NRCAM: variants seen among roughly 807,000 people sequenced by gnomAD.
NRCAM encodes neuronal cell adhesion molecule, also known as NgCAM-related cell adhesion molecule.
Under a neutral mutation model 156.5 loss-of-function variants are expected in NRCAM, and 83 were observed. The ratio of observed to expected loss-of-function variants is 0.53; its 90% CI spans 0.44 to 0.64. The LOEUF (loss-of-function observed/expected upper bound fraction) is 0.64. Among genes scored for constraint, NRCAM ranks in the 30% least tolerant of loss-of-function variants. NRCAM has a pLI of 0.00. For synonymous variants in NRCAM, 538 were observed against 563.9 expected (o/e 0.95, Z 0.65); for missense variants, 1,417 against 1,597.3 (o/e 0.89, Z 1.92).
intron 2 of NRCAM, among the ~76,000 whole-genome samples, chr7:108,360,952 A>G (rs1231792214): frequency 1.3e-5 from 2 of 152,208 alleles, no homozygotes; most frequent in East Asian, 1.9e-4. Context: ...TACAAGTGAC[A>G]AAAGAAAATA....
intron 1 of NRCAM, among the ~76,000 whole-genome samples, chr7:108,435,254 A>G (rs1043265999): frequency 1.3e-5 from 2 of 152,208 alleles, no homozygotes; most frequent in African/African-American, 4.8e-5. Flanking sequence ...AAAGATCGAT[A>G]CCTGAAATGA....
In NRCAM at chr7:108,226,363, G is replaced by A; in HGVS notation, c.566C>T (p.Pro189Leu). The change falls in exon 9 of 33, where the codon CCA (proline) becomes CTA (leucine). Residue 189 changes from proline (P) to leucine (L), a missense_variant. Pro to Leu is a moderately conservative substitution (Grantham distance 98). Transcript: ENST00000379028. Reference sequence around the variant, plus strand: ...ACCTTGAGAAACTCTCTCACTTTGTGGAAGTCTTTGAAAGGCTGGAGAAAG... The same window carrying A: ...ACCTTGAGAAACTCTCTCACTTTGTAGAAGTCTTTGAAAGGCTGGAGAAAG... Reference protein sequence around the residue: ...FWMDNSFQRLPQSERVSQGLN... With the variant: ...FWMDNSFQRLLQSERVSQGLN... 1 of 1,611,998 alleles carries A rather than the reference G, an allele frequency of 6.2e-7. No individual in the cohort carries two copies. Among genetic ancestry groups the A allele is most frequent in the Non-Finnish European group, 8.5e-7 (1 of 1,178,906 alleles).
chr7:108,395,571 A>G (rs1563612876), intron 2 of NRCAM, among the ~76,000 whole-genome samples: 1 of 152,186 alleles, frequency 6.6e-6, no homozygotes, highest in Non-Finnish European at 1.5e-5. Flanking sequence ...CCCATGCAAA[A>G]GTGTCACCCT....
At chr7:108,372,714 T>A (rs149174323) in intron 2 of NRCAM, among the ~76,000 whole-genome samples, 82 of 152,252 alleles carry the variant, frequency 5.4e-4, no homozygotes, top group African/African-American at 1.8e-3. Context: ...AGTGTTGGCA[T>A]GGACGTGGAG....
intron 2 of NRCAM, among the ~76,000 whole-genome samples, chr7:108,328,248 C>G (rs568658009): frequency 6.6e-6 from 1 of 152,224 alleles, no homozygotes; most frequent in Admixed American, 6.6e-5. Flanking sequence ...AATCAATGAA[C>G]AGAGAATATC....
chr7:108,365,980 T>C (rs145337320), intron 2 of NRCAM, among the ~76,000 whole-genome samples: 8 of 152,214 alleles, frequency 5.3e-5, no homozygotes, highest in Admixed American at 2.0e-4. Context: ...CCTTTAAGAG[T>C]AATTTAATCA....
chr7:108,149,852 A>G lies in NRCAM; in HGVS notation c.*58T>C. 1 of 1,414,642 alleles carries G rather than the reference A, an allele frequency of 7.1e-7. No individual in the cohort carries two copies. Among genetic ancestry groups the G allele is most frequent in the Non-Finnish European group, 9.8e-7 (1 of 1,024,578 alleles). The allele number at this position is 1,414,642 out of a possible 1,614,324, so 87.6% of individuals were successfully genotyped here. The stretch of plus-strand genomic sequence containing the variant: ...TGTTCATAGTATGAGAGGGCTGACA[A>G]ACAAGTGCTTAGGATAAACATTCTA... On this transcript the variant is annotated 3_prime_UTR_variant, in exon 33 of 33. Transcript: ENST00000379028.
intron 2 of NRCAM, chr7:108,313,070 A>G (rs2098825605): frequency 6.6e-6 from 1 of 151,932 alleles, no homozygotes; most frequent in South Asian, 2.1e-4. Flanking sequence ...CTATGGGCTT[A>G]TTATTATTAT....
intron 2 of NRCAM, among the ~76,000 whole-genome samples, chr7:108,377,363 T>C (rs535566530): frequency 2.6e-5 from 4 of 152,180 alleles, no homozygotes; most frequent in East Asian, 1.9e-4. Context: ...GAAAAGCATA[T>C]GAAAATAATA....
intron 3 of NRCAM, among the ~76,000 whole-genome samples, chr7:108,299,110 A>AAAAAAAAAAAAAAAAGAAAG (rs1563163335): frequency 6.0e-5 from 1 of 16,640 alleles, no homozygotes; most frequent in Non-Finnish European, 1.7e-4. Context: ...CATCTCAAAA[A>AAAAAAAAAAAAAAAAGAAAG]AAAAAAAGAA....
intron 2 of NRCAM, among the ~76,000 whole-genome samples, chr7:108,372,040 ACAG>A (rs1395293929): frequency 6.6e-6 from 1 of 152,150 alleles, no homozygotes; most frequent in African/African-American, 2.4e-5. Context: ...ATAGAACAGA[ACAG>A]CAAGCCCAGA....
chr7:108,296,322 T>C (rs990467738), intron 3 of NRCAM, among the ~76,000 whole-genome samples: 9 of 152,080 alleles, frequency 5.9e-5, no homozygotes, highest in African/African-American at 2.2e-4. Context: ...GCTATTAATA[T>C]CCTAATATCT....
chr7:108,400,520 T>C (rs1051386913), intron 1 of NRCAM, among the ~76,000 whole-genome samples: 8 of 152,112 alleles, frequency 5.3e-5, no homozygotes, highest in Non-Finnish European at 1.2e-4. Flanking sequence ...TCAATCAGAA[T>C]CTCAGGTGGA....
chr7:108,207,455 C>A (rs1588236290), intron 13 of NRCAM, 73 bp downstream of exon 13: 1 of 1,456,726 alleles, frequency 6.9e-7, no homozygotes, highest in Non-Finnish European at 9.3e-7. Context: ...TTTTTTATCA[C>A]CATTTATTCA....
At chr7:108,384,120 A>C (rs1274578441) in intron 2 of NRCAM, among the ~76,000 whole-genome samples, 2 of 152,202 alleles carry the variant, frequency 1.3e-5, no homozygotes, top group African/African-American at 2.4e-5. Context: ...GGGAGGAAGA[A>C]GCAGAAAAGA....
chr7:108,384,156 C>G (rs1031658149), intron 2 of NRCAM, among the ~76,000 whole-genome samples: 2 of 151,978 alleles, frequency 1.3e-5, no homozygotes, highest in African/African-American at 4.8e-5. Context: ...GGGCTTAATA[C>G]CTGGGTGATG....
chr7:108,152,678 A>T (rs1585004394), intron 32 of NRCAM, among the ~76,000 whole-genome samples: 1 of 152,136 alleles, frequency 6.6e-6, no homozygotes, highest in African/African-American at 2.4e-5. Context: ...TTATCACATA[A>T]TGTCTATGGC....
chr7:108,208,054 G>C (rs1158389215), intron 12 of NRCAM, among the ~76,000 whole-genome samples: 1 of 151,774 alleles, frequency 6.6e-6, no homozygotes, highest in Admixed American at 6.6e-5. Flanking sequence ...AACACTTTGG[G>C]AAGCCAAAGT....
Position 108,209,619 on chromosome 7 carries a change from T to C in NRCAM, c.891-14A>G, listed in dbSNP as rs376601521. 6.4e-7 allele frequency: 1 copy of C among 1,555,666 alleles called. No individual in the cohort carries two copies. The highest frequency in any genetic ancestry group is 8.6e-7 in the Non-Finnish European group (1 of 1,156,478). The stretch of plus-strand genomic sequence containing the variant: ...ATTGGGGTAGGCCTGATAGGATAAA[T>C]AAATAATGATGTTACAAAAAAGGAA... On this transcript the variant is annotated splice_polypyrimidine_tract_variant and intron_variant, in intron 11 of 32. Coordinates refer to ENST00000379028, the MANE Select transcript of NRCAM (RefSeq NM_001037132.4).
Sources: allele counts gnomAD v4.1 joint callset (sites outside exome capture counted in the v4.1 genomes callset), GRCh38; gene constraint gnomAD v4.1.1; transcripts MANE v1.5; gene names NCBI Gene and HGNC (gene_info 2026-07-23, HGNC 2026-07-21).